The following DHX32 variants were observed in gnomAD, a reference collection of about 807,000 sequenced individuals.
DHX32 encodes putative pre-mRNA-splicing factor ATP-dependent RNA helicase DHX32.
In DHX32, 51 loss-of-function variants were observed where a neutral mutation model predicts 70.0. The observed-to-expected ratio is 0.73, with a 90% confidence interval of 0.58 to 0.92. The LOEUF is 0.92. Ranked by LOEUF, DHX32 falls within the 40% of genes least tolerant of loss-of-function variation. The probability of loss-of-function intolerance (pLI) is 0.00; values close to 1 mark genes in which losing one functional copy is unlikely to be tolerated. For synonymous variants in DHX32, 310 were observed against 315.3 expected (o/e 0.98, Z 0.18); for missense variants, 762 against 891.8 (o/e 0.85, Z 1.85).
chr10:125,842,902 CATTT>C (rs1854920100), intron 6 of DHX32: 3 of 463,962 alleles, frequency 6.5e-6, no homozygotes, highest in Non-Finnish European at 8.5e-6. Context: ...TTTAAAAATC[CATTT>C]ATTTAAAGAA....
In DHX32 at chr10:125,859,801, G is replaced by A; in HGVS notation, c.651C>T (p.Ser217=). The part of the protein sequence containing the change: ...ARPELKLIIN[S]SPHLISKLNS... ...TGAGTTTGCTGATCAGGTGAGGTGA[G>A]GAGTTAATTATGAGCTTCAGTTCTG... Residue 217 remains serine, a synonymous_variant, in exon 3 of 11, where the codon TCC becomes TCT. Coordinates refer to ENST00000284690, the MANE Select transcript of DHX32 (RefSeq NM_018180.3). The A allele has an allele frequency of 6.2e-7, 1 of 1,614,042 alleles. No individual in the cohort carries two copies.
intron 3 of DHX32, among the ~76,000 whole-genome samples, chr10:125,857,206 T>C (rs1055068912): frequency 6.6e-6 from 1 of 152,060 alleles, no homozygotes. Flanking sequence ...CTGACAAAAA[T>C]AGTAAAAAAG....
intron 4 of DHX32, 153 bp downstream of exon 4, chr10:125,853,808 G>T: frequency 1.2e-6 from 1 of 812,838 alleles, no homozygotes; most frequent in Non-Finnish European, 1.8e-6. Flanking sequence ...GTTACTGGCT[G>T]CAATAATTCT....
intron 1 of DHX32, among the ~76,000 whole-genome samples, chr10:125,891,024 A>C (rs1405958813): frequency 6.6e-6 from 1 of 152,186 alleles, no homozygotes. Context: ...GTATTAATAT[A>C]CCACTCCCTA....
intron 3 of DHX32, among the ~76,000 whole-genome samples, chr10:125,856,128 G>A (rs1241285475): frequency 6.6e-6 from 1 of 152,168 alleles, no homozygotes; most frequent in Non-Finnish European, 1.5e-5. Flanking sequence ...CAGACATTTT[G>A]TTTATTCATT....
At chr10:125,872,820 C>T (rs1375166082) in intron 1 of DHX32, among the ~76,000 whole-genome samples, 1 of 152,170 alleles carries the variant, frequency 6.6e-6, no homozygotes, top group Non-Finnish European at 1.5e-5. Context: ...GGCCTCTTAC[C>T]GCCTACCTGA....
intron 6 of DHX32, among the ~76,000 whole-genome samples, chr10:125,849,285 G>C (rs946148161): frequency 6.6e-6 from 1 of 152,178 alleles, no homozygotes; most frequent in African/African-American, 2.4e-5. Context: ...CAACTTAAAT[G>C]ATAAGCCATA....
intron 2 of DHX32, among the ~76,000 whole-genome samples, chr10:125,862,581 C>T (rs1161950942): frequency 2.0e-5 from 3 of 151,984 alleles, no homozygotes; most frequent in African/African-American, 7.3e-5. Flanking sequence ...TATGTAAATA[C>T]ATCTAGGCTT....
Position 125,880,846 on chromosome 10 carries a change from G to T in DHX32, c.-22C>A. The T allele has an allele frequency of 6.3e-7, 1 of 1,594,510 alleles. No homozygotes were observed. ...CCATCTTGTCTGACAGTGAGCTCACGCAGCTGACATTCCACAAGCAAGTTT... is the reference window on the plus strand; with the variant it reads ...CCATCTTGTCTGACAGTGAGCTCACTCAGCTGACATTCCACAAGCAAGTTT... On this transcript the variant is annotated 5_prime_UTR_variant, in exon 1 of 11. Transcript: ENST00000284690.
intron 3 of DHX32, among the ~76,000 whole-genome samples, chr10:125,857,693 A>G (rs1268670292): frequency 6.6e-6 from 1 of 152,128 alleles, no homozygotes; most frequent in Non-Finnish European, 1.5e-5. Flanking sequence ...TATAGTTTAT[A>G]TTAAACTTAT....
At chr10:125,864,914 A>T (rs1944210106) in intron 2 of DHX32, among the ~76,000 whole-genome samples, 1 of 122,498 alleles carries the variant, frequency 8.2e-6, no homozygotes. Flanking sequence ...TGGGAGACAG[A>T]GTGGGACTCT....
intron 2 of DHX32, among the ~76,000 whole-genome samples, chr10:125,863,844 C>T (rs1944204121): frequency 6.6e-6 from 1 of 152,172 alleles, no homozygotes; most frequent in African/African-American, 2.4e-5. Flanking sequence ...GAAAATCAAT[C>T]TTGTTCTAAT....
At position 125,859,832 on chromosome 10, in the gene DHX32, G is replaced by C. The variant is rs893159207; in HGVS notation, c.620C>G (p.Ala207Gly). ...AATTATGAGCTTCAGTTCTGGTCTT[G>C]CTAGTAAAACATCTTTAAGAAGTCC... ...LLGLLKDVLL[A>G]RPELKLIINS... is the part of the protein sequence containing the mutation. The change falls in exon 3 of 11, where the codon GCA (alanine) becomes GGA (glycine). Residue 207 changes from alanine to glycine, a missense_variant. Around this residue, in one of 3 missense-constraint regions of DHX32, gnomAD observed 394 missense variants for 473.1 expected, o/e 0.83. Coordinates refer to ENST00000284690, the MANE Select transcript of DHX32 (RefSeq NM_018180.3). The C allele has an allele frequency of 6.2e-7, 1 of 1,613,932 alleles. No homozygotes were observed. The highest frequency in any genetic ancestry group is 1.7e-5 in the Admixed American group (1 of 60,004).
In DHX32 at chr10:125,852,400, G is replaced by A; in HGVS notation, c.1244C>T (p.Pro415Leu). 2 of 1,614,170 alleles carry A rather than the reference G, an allele frequency of 1.2e-6. No individual in the cohort carries two copies. Among genetic ancestry groups the A allele is most frequent in the Middle Eastern group, 1.6e-4 (1 of 6,062 alleles). ...TTCCTGCATTTCTGCTGGCTTCAGT[G>A]GCGTCATGTCTTTGGAGGCAAATTC... is the stretch of plus-strand genomic sequence containing the variant. ...TEEFASKDMT[P>L]LKPAEMQEAN... Residue 415 changes from proline (P) to leucine (L), a missense_variant, in exon 6 of 11, where the codon CCA becomes CTA. Physicochemically the swap from Pro to Leu is moderately conservative, Grantham distance 98. Transcript: ENST00000284690.
chr10:125,867,148 G>A lies in DHX32; in HGVS notation c.318C>T (p.Ile106=). ...PQWCAEYCLS[I]HYQHGGVICT... Reference sequence around the variant, plus strand: ...ATATCACGCCCCCGTGCTGGTAGTGGATGGAAAGACAATATTCAGCACACC... The same window carrying A: ...ATATCACGCCCCCGTGCTGGTAGTGAATGGAAAGACAATATTCAGCACACC... The change falls in exon 2 of 11, where the codon ATC becomes ATT. Residue 106 remains isoleucine, a synonymous_variant. Coordinates refer to ENST00000284690, the MANE Select transcript of DHX32 (RefSeq NM_018180.3). The A allele has an allele frequency of 1.4e-5, 22 of 1,614,016 alleles. No individual in the cohort carries two copies. Among genetic ancestry groups the A allele is most frequent in the Non-Finnish European group, 1.9e-5 (22 of 1,179,968 alleles).
intron 2 of DHX32, among the ~76,000 whole-genome samples, chr10:125,864,968 GAAAGAA>G (rs1049037524): frequency 1.5e-4 from 12 of 78,948 alleles, no homozygotes; most frequent in Non-Finnish European, 5.1e-5. Flanking sequence ...AAAAAAAAAA[GAAAGAA>G]AAAGAAATAT....
At chr10:125,841,411 G>A in intron 7 of DHX32, 1 of 1,599,540 alleles carries the variant, frequency 6.3e-7, no homozygotes, top group Non-Finnish European at 8.5e-7. Context: ...TAAAAAACAG[G>A]CACACAACAT....
Position 125,870,963 on chromosome 10 carries a change from C to A in DHX32, c.283-3780G>T, listed in dbSNP as rs200726513. Among the ~76,000 whole-genome samples the A allele has an allele frequency of 1.7e-4, 26 of 152,326 alleles. No homozygotes were observed. In the East Asian group the frequency reaches 2.9e-3, roughly 17 times the overall value. ...AGCTAGAATCGTTGCTGAAATAATA[C>A]TATCCAGTTTTATTAAAACATTTGG... On this transcript the variant is annotated intron_variant, in intron 1 of 10. Transcript: ENST00000284690.
chr10:125,890,014 G>A (rs3908027), intron 1 of DHX32, among the ~76,000 whole-genome samples: 2 of 152,302 alleles, frequency 1.3e-5, no homozygotes, highest in Admixed American at 6.5e-5. Flanking sequence ...TAGTGTATAT[G>A]CTTAACCATA....
Sources: gnomAD v4.1 joint callset for allele counts (sites outside exome capture counted in the v4.1 genomes callset) on GRCh38, gnomAD v4.1.1 for gene constraint, gnomAD v4.1.1 regional missense constraint, MANE v1.5 for transcripts, NCBI Gene and HGNC (gene_info 2026-07-23, HGNC 2026-07-21) for gene names.